CADM1: variants seen among roughly 807,000 people sequenced by gnomAD.
The protein encoded by CADM1 is cell adhesion molecule 1.
A neutral mutation model predicts 53.1 loss-of-function variants in CADM1; 15 were observed. That is an observed-to-expected ratio of 0.28 (90% CI 0.19 to 0.44). CADM1 has a LOEUF of 0.44. Ranked by LOEUF, CADM1 falls within the 20% of genes least tolerant of loss-of-function variation. The probability of loss-of-function intolerance (pLI) is 1.00; values close to 1 mark genes in which losing one functional copy is unlikely to be tolerated. For synonymous variants in CADM1, 281 were observed against 243.0 expected (o/e 1.16, Z -1.45); for missense variants, 434 against 611.3 (o/e 0.71, Z 3.06).
chr11:115,489,631 G>A (rs1949449144), intron 1 of CADM1, among the ~76,000 whole-genome samples: 1 of 152,206 alleles, frequency 6.6e-6, no homozygotes, highest in African/African-American at 2.4e-5. Flanking sequence ...ATGAGGATAG[G>A]ACATGTCTAT....
chr11:115,202,647 G>C (rs1403978518), intron 8 of CADM1, among the ~76,000 whole-genome samples: 1 of 152,106 alleles, frequency 6.6e-6, no homozygotes, highest in African/African-American at 2.4e-5. Context: ...TAAGCAGTTA[G>C]ACATATTTTA....
intron 1 of CADM1, among the ~76,000 whole-genome samples, chr11:115,295,507 TATA>T (rs1451724930): frequency 3.8e-4 from 6 of 15,766 alleles, no homozygotes; most frequent in East Asian, 1.4e-3. Flanking sequence ...CAAGATATTT[TATA>T]TATATATATA....
chr11:115,284,679 AT>A (rs1447689160), intron 1 of CADM1, among the ~76,000 whole-genome samples: 3 of 152,064 alleles, frequency 2.0e-5, no homozygotes, highest in Non-Finnish European at 4.4e-5. Context: ...ACTCTGATTA[AT>A]TTTTTTTAAA....
At chr11:115,503,105 C>T (rs925647487) in intron 1 of CADM1, among the ~76,000 whole-genome samples, 2 of 152,050 alleles carry the variant, frequency 1.3e-5, no homozygotes, top group African/African-American at 4.8e-5. Flanking sequence ...GCAGCAGGGG[C>T]CAGAGGACGC....
chr11:115,284,106 C>CTCTCTCTT (rs1331040107), intron 1 of CADM1, among the ~76,000 whole-genome samples: 1 of 134,200 alleles, frequency 7.5e-6, no homozygotes. Flanking sequence ...CTCTCTCTCT[C>CTCTCTCTT]TCTCTCTCTG....
intron 1 of CADM1, among the ~76,000 whole-genome samples, chr11:115,310,661 G>A (rs1944509938): frequency 6.6e-6 from 1 of 152,140 alleles, no homozygotes; most frequent in African/African-American, 2.4e-5. Context: ...GCAGCTGGAG[G>A]CCTTTCTGGT....
chr11:115,413,618 C>T (rs1947511754), intron 1 of CADM1, among the ~76,000 whole-genome samples: 1 of 151,102 alleles, frequency 6.6e-6, no homozygotes, highest in South Asian at 2.1e-4. Context: ...GGACAAAATC[C>T]CAGGGAGTGT....
In CADM1 at chr11:115,170,500, G is replaced by T. The variant is rs1002463039; in HGVS notation, c.*5974C>A. On this transcript the variant is annotated 3_prime_UTR_variant, in exon 12 of 12. Transcript: ENST00000331581. ...ACAAAGTTTCCTGTGTACTGAAGAG[G>T]CTGGAAGCTGAGGTTTGGAACACCT... 1 of 151,488 alleles carries T rather than the reference G, an allele frequency of 6.6e-6. No homozygotes were observed. The highest frequency in any genetic ancestry group is 2.1e-4 in the South Asian group (1 of 4,778). The allele number at this position is 151,488 out of a possible 1,614,324, so 9.4% of individuals were successfully genotyped here. A position where few individuals can be genotyped will look rare whatever the true frequency, so the allele number is the denominator to read the frequency against.
At chr11:115,278,083 A>C (rs1193775966) in intron 1 of CADM1, among the ~76,000 whole-genome samples, 2 of 151,902 alleles carry the variant, frequency 1.3e-5, no homozygotes, top group Non-Finnish European at 2.9e-5. Context: ...TTCCCTCACC[A>C]CTATATCCTG....
intron 5 of CADM1, among the ~76,000 whole-genome samples, chr11:115,219,908 G>A (rs192929682): frequency 6.6e-6 from 1 of 152,238 alleles, no homozygotes; most frequent in East Asian, 1.9e-4. Context: ...CAGAAGACCT[G>A]CTACCTCACA....
chr11:115,174,012 A>G lies in CADM1; in HGVS notation c.*2462T>C, dbSNP rs1358824858. The G allele has an allele frequency of 1.0e-6, 1 of 964,404 alleles. No individual in the cohort carries two copies. Among genetic ancestry groups the G allele is most frequent in the Non-Finnish European group, 1.2e-6 (1 of 810,740 alleles). The allele number at this position is 964,404 out of a possible 1,614,324, so 59.7% of individuals were successfully genotyped here. A position where few individuals can be genotyped will look rare whatever the true frequency, so the allele number is the denominator to read the frequency against. ...GCACTGTATACTTAAGAAAAAATAC[A>G]TAAACCAATATACAACTAAAATCCA... On this transcript the variant is annotated 3_prime_UTR_variant, in exon 12 of 12. Coordinates refer to ENST00000331581, the MANE Select transcript of CADM1 (RefSeq NM_001301043.2).
At chr11:115,260,748 C>CT (rs551947425) in intron 1 of CADM1, among the ~76,000 whole-genome samples, 22 of 152,288 alleles carry the variant, frequency 1.4e-4, no homozygotes, top group Non-Finnish European at 2.4e-4. Context: ...TCTTGGCTCA[C>CT]TGCAAGCTCC....
intron 1 of CADM1, chr11:115,333,709 C>T (rs762191788): frequency 1.3e-5 from 2 of 152,160 alleles, no homozygotes; most frequent in African/African-American, 2.4e-5. Context: ...AGCAGCTCTA[C>T]TGTGGGCAGT....
At chr11:115,393,295 T>C (rs1471867278) in intron 1 of CADM1, among the ~76,000 whole-genome samples, 2 of 151,684 alleles carry the variant, frequency 1.3e-5, no homozygotes, top group Non-Finnish European at 2.9e-5. Context: ...AATATTTTTC[T>C]CTGAGTGGTA....
chr11:115,199,246 T>A (rs1236046746), intron 8 of CADM1, among the ~76,000 whole-genome samples: 1 of 152,114 alleles, frequency 6.6e-6, no homozygotes, highest in Non-Finnish European at 1.5e-5. Flanking sequence ...TTCCAAAAAT[T>A]TAAGTATCCA....
rs370104909 is a variant in CADM1, at chr11:115,224,918, C to G, written c.721+4195G>C. Reference sequence around the variant, plus strand: ...ACCATGTTGTAAATTTGGGCACCACCACCTGTACAGACATTCGCAAGAAAA... The same window carrying G: ...ACCATGTTGTAAATTTGGGCACCACGACCTGTACAGACATTCGCAAGAAAA... On this transcript the variant is annotated intron_variant, in intron 5 of 11. Transcript: ENST00000331581. 1.7e-4 allele frequency among the ~76,000 whole-genome samples: 26 copies of G among 152,236 alleles called. 1 individual carries two copies. The East Asian group carries it at 3.5e-3, about 20-fold the overall frequency.
chr11:115,356,460 C>G (rs898218312), intron 1 of CADM1, among the ~76,000 whole-genome samples: 3 of 152,036 alleles, frequency 2.0e-5, no homozygotes, highest in Non-Finnish European at 4.4e-5. Flanking sequence ...CACTGGCCCT[C>G]CAGCACCTGA....
At chr11:115,346,177 C>T (rs1386568707) in intron 1 of CADM1, among the ~76,000 whole-genome samples, 1 of 152,132 alleles carries the variant, frequency 6.6e-6, no homozygotes, top group Non-Finnish European at 1.5e-5. Context: ...ACATGTGGTT[C>T]AGCATTATCC....
At chr11:115,205,677 A>T (rs890075358) in intron 8 of CADM1, among the ~76,000 whole-genome samples, 1 of 151,960 alleles carries the variant, frequency 6.6e-6, no homozygotes, top group Non-Finnish European at 1.5e-5. Flanking sequence ...TTGACACAAT[A>T]AAAAAAAGGA....
Sources: gnomAD v4.1 joint callset for allele counts (sites outside exome capture counted in the v4.1 genomes callset) on GRCh38, gnomAD v4.1.1 for gene constraint, MANE v1.5 for transcripts, NCBI Gene and HGNC (gene_info 2026-07-23, HGNC 2026-07-21) for gene names.